Variants in TFB1M observed in about 807,000 individuals in gnomAD.
TFB1M encodes the protein dimethyladenosine transferase 1, mitochondrial.
A neutral mutation model predicts 31.1 loss-of-function variants in TFB1M; 27 were observed. The ratio of observed to expected loss-of-function variants is 0.87; its 90% confidence interval spans 0.64 to 1.20. The LOEUF (loss-of-function observed/expected upper bound fraction) is 1.20. Ranked by LOEUF, TFB1M falls within the 50% of genes most tolerant of loss-of-function variation. The pLI is 0.00. For synonymous variants in TFB1M, 166 were observed against 151.8 expected, an observed-to-expected ratio of 1.09 and a Z score of -0.69; for missense variants, 394 against 418.7, an observed-to-expected ratio of 0.94 and a Z score of 0.51.
intron 4 of TFB1M, 101 bp from the exon 5 acceptor site, chr6:155,285,378 T>C (rs1399552321): frequency 1.9e-5 from 27 of 1,436,110 alleles, no homozygotes; most frequent in Non-Finnish European, 2.6e-5. Flanking sequence ...GGTGGACTTT[T>C]TGAGGCAAAT....
intron 2 of TFB1M, 32 bp from the exon 3 acceptor site, chr6:155,298,617 C>T (rs774198345): frequency 1.4e-6 from 2 of 1,410,502 alleles, no homozygotes; most frequent in South Asian, 2.3e-5. Context: ...AAAATGAGCT[C>T]ATATACTTAT....
chr6:155,272,113 G>C (rs1015566868), intron 5 of TFB1M, among the ~76,000 whole-genome samples: 10 of 152,050 alleles, frequency 6.6e-5, no homozygotes, highest in African/African-American at 2.2e-4. Context: ...TCACGTATAT[G>C]GTTTTTCTTC....
chr6:155,296,786 T>G (rs2114776757), intron 4 of TFB1M, among the ~76,000 whole-genome samples, 167 bp downstream of exon 4: 1 of 152,352 alleles, frequency 6.6e-6, no homozygotes, highest in South Asian at 2.1e-4. Context: ...CAGTTACATC[T>G]GTCATCATCA....
At chr6:155,301,030 C>G (rs1413888230) in intron 2 of TFB1M, among the ~76,000 whole-genome samples, 2 of 152,158 alleles carry the variant, frequency 1.3e-5, no homozygotes, top group African/African-American at 2.4e-5. Context: ...GTCTCTAACA[C>G]CTGACCTCAA....
chr6:155,276,040 A>T, intron 5 of TFB1M: 1 of 1,614,182 alleles, frequency 6.2e-7, no homozygotes, highest in Non-Finnish European at 8.5e-7. Context: ...GTACTCGCTT[A>T]GGAGGGGACA....
chr6:155,230,984 C>T, the TFB1M span, among the ~76,000 whole-genome samples: 1 of 146,710 alleles, frequency 6.8e-6, no homozygotes, highest in Non-Finnish European at 1.5e-5. Context: ...AGGTGTGTGC[C>T]ACCAAGCCTG....
rs1784064681 is a variant in TFB1M at position 155,256,737 on chromosome 6, C to G, written c.*1099G>C. On this transcript the variant is annotated 3_prime_UTR_variant, in exon 7 of 7. Transcript: ENST00000367166. ...ACATCCTGAGCGATGAAGATGATGA[C>G]CACCGTCAGACTGTGAAGCAGGGCA... The G allele has an allele frequency of 6.2e-7, 1 of 1,614,100 alleles. No homozygotes were observed. The highest frequency in any genetic ancestry group is 1.1e-5 in the South Asian group (1 of 91,084).
At chr6:155,300,335 T>C (rs544394073) in intron 2 of TFB1M, among the ~76,000 whole-genome samples, 3 of 152,346 alleles carry the variant, frequency 2.0e-5, no homozygotes, top group African/African-American at 4.8e-5. Context: ...AATGTACTTA[T>C]AGATTATTTT....
the TFB1M span, among the ~76,000 whole-genome samples, chr6:155,249,510 T>A: frequency 6.6e-6 from 1 of 152,194 alleles, no homozygotes; most frequent in Non-Finnish European, 1.5e-5. Flanking sequence ...AGTCTTTGAG[T>A]TATTGCGGGC....
chr6:155,313,573 A>G (rs994854557), intron 1 of TFB1M, among the ~76,000 whole-genome samples: 3 of 152,228 alleles, frequency 2.0e-5, no homozygotes, highest in Non-Finnish European at 2.9e-5. Context: ...TTAAACCAAT[A>G]TATAAATACA....
In TFB1M at chr6:155,285,158, C is replaced by T. The variant is rs1776567946; in HGVS notation, c.666G>A (p.Glu222=). The T allele has an allele frequency of 6.2e-7, 1 of 1,613,842 alleles. No homozygotes were observed. The highest frequency in any genetic ancestry group is 8.5e-7 in the Non-Finnish European group (1 of 1,179,812). The change falls in exon 5 of 7, where the codon GAG becomes GAA. Residue 222 remains glutamate (E), a splice_region_variant and synonymous_variant. Coordinates refer to ENST00000367166, the MANE Select transcript of TFB1M (RefSeq NM_016020.4). Reference sequence around the variant, plus strand: ...CTACAACAAATAAGCAGAAACTTACCTCTGGTTTGGGGACAAAAGCTTGTC... The same window carrying T: ...CTACAACAAATAAGCAGAAACTTACTTCTGGTTTGGGGACAAAAGCTTGTC... ...IPGQAFVPKP[E]VDVGVVHFTP...
chr6:155,293,831 A>G (rs1047417833), intron 4 of TFB1M, among the ~76,000 whole-genome samples: 1 of 151,974 alleles, frequency 6.6e-6, no homozygotes, highest in African/African-American at 2.4e-5. Flanking sequence ...TTTTCTATTT[A>G]TTTATCATGA....
chr6:155,239,711 G>A, the TFB1M span, among the ~76,000 whole-genome samples: 3 of 152,152 alleles, frequency 2.0e-5, no homozygotes, highest in African/African-American at 7.2e-5. Context: ...GACTGGGAGC[G>A]AGTATTTCCT....
the TFB1M span, among the ~76,000 whole-genome samples, chr6:155,244,258 T>A: frequency 6.6e-6 from 1 of 152,332 alleles, no homozygotes; most frequent in Admixed American, 6.5e-5. Context: ...CTCGGCTGCA[T>A]GACCCAGTGG....
At chr6:155,249,071 A>G in the TFB1M span, among the ~76,000 whole-genome samples, 4 of 152,224 alleles carry the variant, frequency 2.6e-5, no homozygotes, top group Middle Eastern at 3.2e-3. Flanking sequence ...TTCATTTTGT[A>G]TTAAGATGAT....
intron 6 of TFB1M, among the ~76,000 whole-genome samples, chr6:155,259,933 G>C (rs944120673): frequency 3.3e-5 from 5 of 152,228 alleles, no homozygotes; most frequent in Non-Finnish European, 7.3e-5. Context: ...TTAAAGAAGA[G>C]ATAGGGCAAC....
At chr6:155,307,136 T>TACACACAC (rs61677970) in intron 2 of TFB1M, among the ~76,000 whole-genome samples, 2,395 of 147,310 alleles carry the variant, frequency 0.016, 57 homozygotes, top group East Asian at 0.13. Flanking sequence ...CTCAAACACA[T>TACACACAC]ACACACACAC....
the TFB1M span, among the ~76,000 whole-genome samples, chr6:155,237,926 A>G: frequency 6.6e-6 from 1 of 152,246 alleles, no homozygotes; most frequent in Non-Finnish European, 1.5e-5. Context: ...GGGGATTAAC[A>G]TTCAGTCCCT....
At chr6:155,276,501 CAA>C in intron 5 of TFB1M, 1 of 886,244 alleles carries the variant, frequency 1.1e-6, no homozygotes, top group Non-Finnish European at 1.7e-6. Flanking sequence ...AATACTTTAA[CAA>C]CTACAAAGTA....
Sources: gnomAD v4.1 joint callset for allele counts (sites outside exome capture counted in the v4.1 genomes callset) on GRCh38, gnomAD v4.1.1 for gene constraint, MANE v1.5 for transcripts, NCBI Gene and HGNC (gene_info 2026-07-23, HGNC 2026-07-21) for gene names.